The following TOX2 variants were observed in gnomAD, a reference collection of about 807,000 sequenced individuals.
TOX2 encodes the protein TOX high mobility group box family member 2.
In TOX2, 15 loss-of-function variants were observed where a neutral mutation model predicts 47.4. The observed-to-expected ratio is 0.32, with a 90% confidence interval of 0.21 to 0.49. The LOEUF (loss-of-function observed/expected upper bound fraction) is 0.49, where lower values mean the gene tolerates loss of function less well. TOX2 is among the 20% of genes least tolerant of loss of function. The probability of loss-of-function intolerance (pLI) is 0.99; values close to 1 mark genes in which losing one functional copy is unlikely to be tolerated. For missense variants in TOX2, 622 were observed against 673.1 expected (o/e 0.92, Z 0.84); for synonymous variants, 290 against 296.6 (o/e 0.98, Z 0.23).
intron 3 of TOX2, among the ~76,000 whole-genome samples, chr20:44,026,357 C>T (rs2071069312): frequency 6.7e-6 from 1 of 150,088 alleles, no homozygotes; most frequent in Admixed American, 6.6e-5. Context: ...AGTGAAGTAA[C>T]TCAGGAATGG....
intron 1 of TOX2, among the ~76,000 whole-genome samples, chr20:43,950,483 C>A (rs1167238140): frequency 5.3e-5 from 8 of 152,046 alleles, no homozygotes; most frequent in Non-Finnish European, 8.8e-5. Flanking sequence ...GGCCTCCCCT[C>A]CCCCTCCCCA....
At chr20:44,046,146 C>T (rs6031322) in intron 3 of TOX2, among the ~76,000 whole-genome samples, 4 of 152,162 alleles carry the variant, frequency 2.6e-5, no homozygotes, top group African/African-American at 9.6e-5. Context: ...TAAAATTATG[C>T]AGGACAAAAA....
chr20:44,029,162 C>T (rs1306102279), intron 3 of TOX2, among the ~76,000 whole-genome samples: 11 of 152,266 alleles, frequency 7.2e-5, no homozygotes, highest in Non-Finnish European at 1.5e-4. Flanking sequence ...CCTCCAGCTC[C>T]GCTTCCATCA....
chr20:44,068,796 A>G lies in TOX2; in HGVS notation c.*110A>G, dbSNP rs528822269. ...AGAGGCAGGGTGGCCCATCGGAGAG[A>G]GCAGTGACACACCCATTGCCCGGGG... On this transcript the variant is annotated 3_prime_UTR_variant, in exon 9 of 9. Transcript: ENST00000341197. 2.0e-5 allele frequency: 29 copies of G among 1,438,986 alleles called. No individual in the cohort carries two copies. In the South Asian group the frequency reaches 3.2e-4, roughly 16 times the overall value. 89.1% of individuals were successfully genotyped at this position (1,438,986 alleles called of 1,614,324 possible).
At chr20:43,945,408 CTG>C (rs2069451332) in intron 1 of TOX2, among the ~76,000 whole-genome samples, 1 of 152,232 alleles carries the variant, frequency 6.6e-6, no homozygotes, top group African/African-American at 2.4e-5. Flanking sequence ...CGACATTTAG[CTG>C]TCTCTAATTC....
In TOX2 at chr20:44,066,038, C is replaced by T. The variant is rs771498906; in HGVS notation, c.1287C>T (p.Pro429=). ...TTAGCATGTCCCCAGCCCCCCAGCC[C>T]CCTGTCCTGCCCACCCCCATGGCAC... ...PPVSMSPAPQ[P]PVLPTPMALQ... is the part of the protein sequence containing the mutation. Residue 429 remains proline (P), a synonymous_variant, in exon 7 of 9, where the codon CCC becomes CCT. Transcript: ENST00000341197. The T allele has an allele frequency of 6.3e-7, 1 of 1,596,022 alleles. No individual in the cohort carries two copies. The highest frequency in any genetic ancestry group is 8.5e-7 in the Non-Finnish European group (1 of 1,171,792).
intron 2 of TOX2, among the ~76,000 whole-genome samples, chr20:43,992,862 A>G (rs973483493): frequency 1.3e-5 from 2 of 148,666 alleles, no homozygotes; most frequent in Non-Finnish European, 1.5e-5. Context: ...AAAAAAAAAA[A>G]AAAAGAAAAA....
chr20:44,044,642 T>C (rs772557251), intron 3 of TOX2, among the ~76,000 whole-genome samples: 3 of 152,124 alleles, frequency 2.0e-5, no homozygotes, highest in Non-Finnish European at 4.4e-5. Flanking sequence ...CGTGGATGTG[T>C]AGAAACCGCA....
intron 3 of TOX2, among the ~76,000 whole-genome samples, chr20:44,041,539 T>G (rs1038518931): frequency 6.6e-5 from 10 of 152,192 alleles, no homozygotes; most frequent in African/African-American, 2.2e-4. Context: ...TCATGTACTG[T>G]CTTTATGAAG....
intron 3 of TOX2, among the ~76,000 whole-genome samples, chr20:44,043,147 TGGGGATGA>T (rs1433159405): frequency 1.3e-5 from 2 of 152,138 alleles, no homozygotes; most frequent in East Asian, 1.9e-4. Context: ...GAGCCCAGGT[TGGGGATGA>T]GGGGATGAGG....
chr20:43,945,693 GT>G (rs1569020340), intron 1 of TOX2: 1 of 549,944 alleles, frequency 1.8e-6, no homozygotes, highest in African/African-American at 1.9e-5. Flanking sequence ...GAGACCTGGC[GT>G]GGAGACCGCC....
chr20:43,916,318 C>A lies in TOX2; in HGVS notation c.99+1328C>A. On this transcript the variant is annotated intron_variant, in intron 1 of 8. Coordinates refer to ENST00000341197, the MANE Select transcript of TOX2 (RefSeq NM_001098797.2). This position sits in a 1 kb window ranked among gnomAD's most constrained non-coding sequence, Gnocchi z 5.0. ...GGGATGAGGCAGGAGAGAGGCGTCC[C>A]GGCGCGGATCCCGGGGCCTCCCGGG... 1 of 856,218 alleles carries A rather than the reference C, an allele frequency of 1.2e-6. No individual in the cohort carries two copies. Among genetic ancestry groups the A allele is most frequent in the Non-Finnish European group, 1.4e-6 (1 of 711,958 alleles). 53.0% of individuals were successfully genotyped at this position (856,218 alleles called of 1,614,324 possible). A position where few individuals can be genotyped will look rare whatever the true frequency, so the allele number is the denominator to read the frequency against.
At position 43,914,968 on chromosome 20, in the gene TOX2, T is replaced by A; in HGVS notation, c.77T>A (p.Leu26Gln). The A allele has an allele frequency of 8.0e-7, 1 of 1,253,504 alleles. No individual in the cohort carries two copies. The allele number at this position is 1,253,504 out of a possible 1,614,324, so 77.6% of individuals were successfully genotyped here. Residue 26 changes from leucine to glutamine, a missense_variant, in exon 1 of 9, where the codon CTG (leucine) becomes CAG (glutamine). Transcript: ENST00000341197. The surrounding 1 kb of genome is among the most constrained non-coding windows in gnomAD (Gnocchi z 4.5). ...GCCGAGCCGGCCGGCCTGGCGCACCTGGACTATTACCACGGCGGCAAGGTA... is the reference window on the plus strand; with the variant it reads ...GCCGAGCCGGCCGGCCTGGCGCACCAGGACTATTACCACGGCGGCAAGGTA... ...PGAEPAGLAH[L>Q]DYYHGGKFDG...
At chr20:43,995,598 C>T (rs566793795) in intron 2 of TOX2, among the ~76,000 whole-genome samples, 7 of 152,148 alleles carry the variant, frequency 4.6e-5, no homozygotes, top group Admixed American at 2.0e-4. Flanking sequence ...ATTTGATGTA[C>T]GGATTATTTT....
chr20:43,992,570 A>T (rs2145554564), intron 2 of TOX2, among the ~76,000 whole-genome samples: 1 of 152,298 alleles, frequency 6.6e-6, no homozygotes, highest in East Asian at 1.9e-4. Flanking sequence ...AGCCAGGCCC[A>T]TATCTGAAAA....
At chr20:43,956,493 C>T (rs535172309) in intron 1 of TOX2, among the ~76,000 whole-genome samples, 1 of 150,106 alleles carries the variant, frequency 6.7e-6, no homozygotes, top group South Asian at 2.1e-4. Context: ...CCCAGGAGGC[C>T]GAGGTTGCAG....
chr20:44,044,304 A>G (rs1246209600), intron 3 of TOX2, among the ~76,000 whole-genome samples: 1 of 152,140 alleles, frequency 6.6e-6, no homozygotes, highest in Non-Finnish European at 1.5e-5. Flanking sequence ...GAGGGATAGC[A>G]TGAGGAGATA....
At chr20:43,984,234 T>A (rs1325234850) in intron 2 of TOX2, among the ~76,000 whole-genome samples, 1 of 152,222 alleles carries the variant, frequency 6.6e-6, no homozygotes. Context: ...TATCAGAACA[T>A]GATTCATGAG....
intron 2 of TOX2, among the ~76,000 whole-genome samples, chr20:44,000,240 G>A (rs1191973634): frequency 6.6e-6 from 1 of 152,202 alleles, no homozygotes; most frequent in Non-Finnish European, 1.5e-5. Flanking sequence ...CTGGCCCTGG[G>A]GTGAGAATGG....
Sources: gnomAD v4.1 joint callset for allele counts (sites outside exome capture counted in the v4.1 genomes callset) on GRCh38, gnomAD v4.1.1 for gene constraint, Gnocchi (gnomAD v3.1) non-coding constraint, MANE v1.5 for transcripts, NCBI Gene and HGNC (gene_info 2026-07-23, HGNC 2026-07-21) for gene names.